PNLIPRP3: variants seen among roughly 807,000 people sequenced by gnomAD.
PNLIPRP3 encodes pancreatic lipase related protein 3.
In PNLIPRP3, 58 loss-of-function variants were observed where a neutral mutation model predicts 52.8. That is an observed-to-expected ratio of 1.10 (90% CI 0.89 to 1.37). The LOEUF (loss-of-function observed/expected upper bound fraction) is 1.37, where lower values mean the gene tolerates loss of function less well. Among genes scored for constraint, PNLIPRP3 ranks in the 40% most tolerant of loss-of-function variants. The pLI, the probability that PNLIPRP3 is intolerant of heterozygous loss-of-function variation, is 0.00. For synonymous variants in PNLIPRP3, 192 were observed against 185.0 expected (o/e 1.04, Z -0.31); for missense variants, 593 against 561.6 (o/e 1.06, Z -0.57).
At chr10:116,468,595 C>A (rs1373639463) in intron 8 of PNLIPRP3, among the ~76,000 whole-genome samples, 15 of 152,200 alleles carry the variant, frequency 9.9e-5, no homozygotes, top group Non-Finnish European at 1.5e-5. Flanking sequence ...TATAAACTGT[C>A]TTGTGACTGC....
intron 7 of PNLIPRP3, among the ~76,000 whole-genome samples, chr10:116,464,614 G>A (rs1179199550): frequency 6.6e-6 from 1 of 152,206 alleles, no homozygotes; most frequent in Non-Finnish European, 1.5e-5. Context: ...ACTGCAAGCA[G>A]CTTCCACCTT....
intron 1 of PNLIPRP3, among the ~76,000 whole-genome samples, chr10:116,433,355 A>G (rs1293739914): frequency 6.6e-6 from 1 of 152,160 alleles, no homozygotes; most frequent in Non-Finnish European, 1.5e-5. Flanking sequence ...TTTTACAAAT[A>G]AATAAGCAAA....
intron 3 of PNLIPRP3, among the ~76,000 whole-genome samples, chr10:116,443,761 G>GTA (rs1412348969): frequency 5.4e-4 from 44 of 81,824 alleles, no homozygotes; most frequent in African/African-American, 1.6e-3. Flanking sequence ...GTGTGTGTGT[G>GTA]TGTATGTGTG....
intron 7 of PNLIPRP3, among the ~76,000 whole-genome samples, chr10:116,462,097 G>A (rs773360308): frequency 4.6e-5 from 7 of 152,102 alleles, no homozygotes; most frequent in Non-Finnish European, 8.8e-5. Flanking sequence ...AAGAGACGTG[G>A]TTTGAGTTAC....
At chr10:116,457,985 G>A (rs1297387279) in intron 5 of PNLIPRP3, among the ~76,000 whole-genome samples, 1 of 152,086 alleles carries the variant, frequency 6.6e-6, no homozygotes, top group African/African-American at 2.4e-5. Context: ...TGTTCCTTGA[G>A]TAATAGAAGA....
chr10:116,460,036 G>T (rs915393663), intron 5 of PNLIPRP3, among the ~76,000 whole-genome samples: 1 of 152,148 alleles, frequency 6.6e-6, no homozygotes, highest in African/African-American at 2.4e-5. Context: ...AGGGTGCTGG[G>T]ATTACAGGTG....
chr10:116,442,180 A>G (rs1471240359), intron 2 of PNLIPRP3, among the ~76,000 whole-genome samples: 2 of 152,194 alleles, frequency 1.3e-5, no homozygotes, highest in Non-Finnish European at 2.9e-5. Flanking sequence ...ATTGTTTTAA[A>G]TAACAAAATC....
chr10:116,460,941 C>T (rs767171792), intron 5 of PNLIPRP3, 25 bp from the exon 6 acceptor site: 3 of 1,608,364 alleles, frequency 1.9e-6, no homozygotes, highest in South Asian at 2.2e-5. Flanking sequence ...TTCCATAGAA[C>T]ATGTCTTGGT....
chr10:116,442,950 G>A, intron 2 of PNLIPRP3, 105 bp from the exon 3 acceptor site: 1 of 843,470 alleles, frequency 1.2e-6, no homozygotes. Context: ...GGTTGCTAAA[G>A]ATCAAATTTA....
chr10:116,456,887 G>T (rs181214242), intron 5 of PNLIPRP3, among the ~76,000 whole-genome samples: 1 of 152,206 alleles, frequency 6.6e-6, no homozygotes, highest in East Asian at 1.9e-4. Context: ...CTGCATTTTG[G>T]CCTTGGTCCC....
chr10:116,477,648 T>C lies in PNLIPRP3; in HGVS notation c.*495T>C, dbSNP rs1008696563. ...TTATAACCTTGTGGGTTGATGTGTC[T>C]ATCTAGTAATAATAAAAACTAATGA... On this transcript the variant is annotated 3_prime_UTR_variant, in exon 12 of 12. Transcript: ENST00000369230. The C allele has an allele frequency of 6.6e-6, 1 of 152,364 alleles. No homozygotes were observed. Among genetic ancestry groups the C allele is most frequent in the Non-Finnish European group, 1.5e-5 (1 of 68,172 alleles). The allele number at this position is 152,364 out of a possible 1,614,324, so 9.4% of individuals were successfully genotyped here.
chr10:116,449,934 T>C (rs773678406), intron 4 of PNLIPRP3, among the ~76,000 whole-genome samples: 36 of 151,928 alleles, frequency 2.4e-4, no homozygotes, highest in Non-Finnish European at 4.4e-4. Flanking sequence ...TAGAAATCAA[T>C]AGCAAAAGGA....
At chr10:116,435,295 T>A (rs754792270) in intron 1 of PNLIPRP3, among the ~76,000 whole-genome samples, 18 of 152,080 alleles carry the variant, frequency 1.2e-4, no homozygotes, top group Non-Finnish European at 2.6e-4. Context: ...TGACAGACCT[T>A]GGAAGCTGGA....
At position 116,477,094 on chromosome 10, in the gene PNLIPRP3, A is replaced by C. The variant is rs775056348; in HGVS notation, c.1345A>C (p.Thr449Pro). 6.3e-7 allele frequency: 1 copy of C among 1,588,848 alleles called. No homozygotes were observed. The highest frequency in any genetic ancestry group is 8.6e-7 in the Non-Finnish European group (1 of 1,164,652). Residue 449 changes from threonine (T) to proline (P), a missense_variant, in exon 12 of 12, where the codon ACC (threonine) becomes CCC (proline). By Grantham distance (38) the Thr-to-Pro change is conservative (BLOSUM62 -1). Transcript: ENST00000369230. ...NTSGKYGYKS[T>P]FCSQDIMGPN... Reference sequence around the variant, plus strand: ...TTTTTCCTTAAAAACTTTCAGATCTACCTTCTGTAGCCAAGACATTATGGG... The same window carrying C: ...TTTTTCCTTAAAAACTTTCAGATCTCCCTTCTGTAGCCAAGACATTATGGG...
chr10:116,428,340 G>C (rs1338664474), intron 1 of PNLIPRP3, among the ~76,000 whole-genome samples: 1 of 152,088 alleles, frequency 6.6e-6, no homozygotes, highest in African/African-American at 2.4e-5. Context: ...CAATATAAAA[G>C]AGTTGCCGGA....
Position 116,469,245 on chromosome 10 carries a change from T to C in PNLIPRP3, c.988T>C (p.Phe330Leu). The C allele has an allele frequency of 6.2e-7, 1 of 1,612,446 alleles. No homozygotes were observed. Among genetic ancestry groups the C allele is most frequent in the Non-Finnish European group, 8.5e-7 (1 of 1,179,348 alleles). ...AACAATGGGTCATTTTGCTGATAGA[T>C]TTCACTTCAAAAATATGAAGACTAA... ...CPTMGHFADRFHFKNMKTNGS... is the reference protein window; with the variant it reads ...CPTMGHFADRLHFKNMKTNGS... The change falls in exon 9 of 12, where the codon TTT (phenylalanine) becomes CTT (leucine). Residue 330 changes from phenylalanine (F) to leucine (L), a missense_variant. Phe to Leu is a conservative substitution (Grantham distance 22, BLOSUM62 0). Transcript: ENST00000369230.
At chr10:116,463,692 G>A (rs900777731) in intron 7 of PNLIPRP3, among the ~76,000 whole-genome samples, 1 of 152,168 alleles carries the variant, frequency 6.6e-6, no homozygotes, top group Non-Finnish European at 1.5e-5. Flanking sequence ...ACCCAGGAAG[G>A]AGTCATTTGT....
intron 3 of PNLIPRP3, 90 bp from the exon 4 acceptor site, chr10:116,444,292 T>A: frequency 8.7e-7 from 1 of 1,146,100 alleles, no homozygotes; most frequent in Non-Finnish European, 1.2e-6. Flanking sequence ...AACCTACTAG[T>A]ATAATTTCTT....
Position 116,466,106 on chromosome 10 carries a change from A to G in PNLIPRP3, c.865A>G (p.Ser289Gly), listed in dbSNP as rs144360917. Residue 289 changes from serine to glycine, a missense_variant, in exon 8 of 12, where the codon AGC becomes GGC. Physicochemically the swap from Ser to Gly is moderately conservative, Grantham distance 56 (BLOSUM62 0). Transcript: ENST00000369230. Reference protein sequence around the residue: ...HARSYQFYAESILNPDAFIAY... With the variant: ...HARSYQFYAEGILNPDAFIAY... ...CCGAAGTTATCAATTTTATGCTGAA[A>G]GCATTCTTAATCCTGATGCATTTAT... The G allele has an allele frequency of 1.1e-4, 181 of 1,613,906 alleles. No homozygotes were observed. The African/African-American group carries it at 2.1e-3, about 18-fold the overall frequency.
Sources: allele counts gnomAD v4.1 joint callset (sites outside exome capture counted in the v4.1 genomes callset), GRCh38; gene constraint gnomAD v4.1.1; transcripts MANE v1.5; gene names NCBI Gene and HGNC (gene_info 2026-07-23, HGNC 2026-07-21).